Variants in IFT122 observed in about 807,000 individuals in gnomAD.
IFT122 encodes intraflagellar transport 122.
Under a neutral mutation model 161.6 loss-of-function variants are expected in IFT122, and 118 were observed. The observed-to-expected ratio is 0.73, with a 90% confidence interval of 0.63 to 0.85. The LOEUF is 0.85. Among genes scored for constraint, IFT122 ranks in the 40% least tolerant of loss-of-function variants. The pLI, the probability that IFT122 is intolerant of heterozygous loss-of-function variation, is 0.00. For missense variants in IFT122, 1,381 were observed against 1,579.6 expected, an observed-to-expected ratio of 0.87 and a Z score of 2.13; for synonymous variants, 550 against 602.4, an observed-to-expected ratio of 0.91 and a Z score of 1.27.
intron 5 of IFT122, chr3:129,463,357 C>G (rs922680947): frequency 1.8e-6 from 1 of 545,260 alleles, no homozygotes; most frequent in African/African-American, 1.9e-5. Context: ...CAAATCTGTT[C>G]TCCATTTCTA....
intron 18 of IFT122, among the ~76,000 whole-genome samples, chr3:129,496,117 G>A (rs915487390): frequency 1.8e-4 from 28 of 152,262 alleles, no homozygotes; most frequent in African/African-American, 5.3e-4. Context: ...CCATGTTAGC[G>A]CAGCATGCCT....
chr3:129,502,652 A>T, intron 19 of IFT122, 59 bp from the exon 20 acceptor site: 3 of 1,582,704 alleles, frequency 1.9e-6, no homozygotes, highest in Non-Finnish European at 2.6e-6. Context: ...GAATGGACAT[A>T]CGGCTTGCCG....
intron 20 of IFT122, 176 bp from the exon 21 acceptor site, chr3:129,504,143 C>T (rs916822442): frequency 5.4e-5 from 30 of 560,068 alleles, no homozygotes; most frequent in Middle Eastern, 5.1e-4. Context: ...CTTTTGTTTT[C>T]GAAGAGCTGA....
rs1187408262 is a variant in IFT122, at chr3:129,483,670, G to C, written c.1839G>C (p.Val613=). 9 of 1,598,622 alleles carry C rather than the reference G, an allele frequency of 5.6e-6. No individual in the cohort carries two copies. Among genetic ancestry groups the C allele is most frequent in the Non-Finnish European group, 7.7e-6 (9 of 1,172,320 alleles). Residue 613 remains valine, a synonymous_variant, in exon 15 of 30, where the codon GTG becomes GTC. Transcript: ENST00000348417. ...TCCATGTCTTCTCCATTTCTGCCGT[G>C]GAGGTGCCGCAGGTAACTGGGGGTG... ...FCLHVFSISA[V]EVPQSAPMYQ...
chr3:129,486,043 C>T (rs1240481283), intron 15 of IFT122, among the ~76,000 whole-genome samples: 1 of 152,248 alleles, frequency 6.6e-6, no homozygotes, highest in Non-Finnish European at 1.5e-5. Context: ...GAGGGCTTCT[C>T]AAGGCGGTGG....
intron 5 of IFT122, among the ~76,000 whole-genome samples, chr3:129,462,926 GCAT>G (rs138555352): frequency 0.011 from 1,635 of 152,234 alleles, 32 homozygotes; most frequent in African/African-American, 0.036. Context: ...TTTTCAGAAA[GCAT>G]CATTGTTATT....
At chr3:129,515,171 G>C (rs1387474294) in intron 25 of IFT122, 6 of 505,738 alleles carry the variant, frequency 1.2e-5, no homozygotes, top group African/African-American at 1.2e-4. Context: ...TCCGCACGGT[G>C]CCCGGAGCAT....
At chr3:129,517,284 A>G (rs2084062944) in intron 26 of IFT122, among the ~76,000 whole-genome samples, 185 bp from the exon 27 acceptor site, 1 of 143,122 alleles carries the variant, frequency 7.0e-6, no homozygotes, top group African/African-American at 2.6e-5. Context: ...ACACACACAC[A>G]CACACACACA....
At chr3:129,447,926 A>G (rs1025621511) in intron 1 of IFT122, among the ~76,000 whole-genome samples, 1 of 152,192 alleles carries the variant, frequency 6.6e-6, no homozygotes. Context: ...GTTAAATTTT[A>G]AAAGAGCCCT....
chr3:129,514,331 C>CA (rs1321070300), intron 24 of IFT122, 58 bp from the exon 25 acceptor site: 1 of 1,584,656 alleles, frequency 6.3e-7, no homozygotes, highest in South Asian at 1.1e-5. Flanking sequence ...CAAGGACAGG[C>CA]AGTGCCAGCT....
intron 28 of IFT122, 60 bp from the exon 29 acceptor site, chr3:129,519,508 C>T (rs2084473806): frequency 1.2e-6 from 2 of 1,603,166 alleles, no homozygotes; most frequent in Non-Finnish European, 8.5e-7. Flanking sequence ...TCATAATCCA[C>T]ACAGATGTCT....
At chr3:129,441,668 C>G (rs746134493) in intron 1 of IFT122, among the ~76,000 whole-genome samples, 11 of 152,118 alleles carry the variant, frequency 7.2e-5, no homozygotes, top group Non-Finnish European at 1.6e-4. Flanking sequence ...AGGCAGGTAA[C>G]ATAAATGGGA....
At chr3:129,482,177 A>G (rs774808780) in intron 14 of IFT122, among the ~76,000 whole-genome samples, 1 of 152,272 alleles carries the variant, frequency 6.6e-6, no homozygotes, top group East Asian at 1.9e-4. Context: ...CTGGCCTTCT[A>G]CTTAATTCAC....
rs546062386 is a variant in IFT122, at chr3:129,461,536, A to C, written c.349+232A>C. ...CAGAGACTACAGGAAGGGCCCCAGCAAAGGAAATGGTAACAAGATTGGGAG... is the reference window on the plus strand; with the variant it reads ...CAGAGACTACAGGAAGGGCCCCAGCCAAGGAAATGGTAACAAGATTGGGAG... On this transcript the variant is annotated intron_variant, in intron 5 of 29. Transcript: ENST00000348417. 2,186 of 551,646 alleles carry C rather than the reference A, an allele frequency of 4.0e-3. 8 individuals are homozygous for C. The highest frequency in any genetic ancestry group is 4.6e-3 in the Middle Eastern group (9 of 1,976). The allele number at this position is 551,646 out of a possible 1,614,324, so 34.2% of individuals were successfully genotyped here.
At chr3:129,509,818 G>A (rs1246916360) in intron 23 of IFT122, among the ~76,000 whole-genome samples, 1 of 152,196 alleles carries the variant, frequency 6.6e-6, no homozygotes, top group African/African-American at 2.4e-5. Context: ...GGTTTAGTGG[G>A]TAAACTCGAG....
chr3:129,492,202 A>G lies in IFT122; in HGVS notation c.2046+8A>G. 6.2e-7 allele frequency: 1 copy of G among 1,609,790 alleles called. No homozygotes were observed. Among genetic ancestry groups the G allele is most frequent in the Non-Finnish European group, 8.5e-7 (1 of 1,176,120 alleles). ...CTCATCAGCAGCATTGAGGTAAAAG[A>G]TGAAGCATTTTTCCTTCTCAAGAAG... On this transcript the variant is annotated splice_region_variant and intron_variant, in intron 17 of 29. Coordinates refer to ENST00000348417, the MANE Select transcript of IFT122 (RefSeq NM_052989.3).
At chr3:129,513,920 C>G (rs902564574) in intron 24 of IFT122, 1 of 295,222 alleles carries the variant, frequency 3.4e-6, no homozygotes, top group Admixed American at 4.8e-5. Flanking sequence ...ACCAGGCCCT[C>G]GGGGAAGGGT....
At chr3:129,482,353 G>A (rs540932602) in intron 14 of IFT122, among the ~76,000 whole-genome samples, 24 of 152,296 alleles carry the variant, frequency 1.6e-4, no homozygotes, top group African/African-American at 5.8e-4. Context: ...CTGGGCTCGC[G>A]CCATTCTTTC....
chr3:129,459,321 G>C, intron 4 of IFT122: 1 of 452,168 alleles, frequency 2.2e-6, no homozygotes, highest in Non-Finnish European at 4.4e-6. Context: ...ACAGAGTCTT[G>C]CTCTGTTGCC....
Sources: allele counts gnomAD v4.1 joint callset (sites outside exome capture counted in the v4.1 genomes callset), GRCh38; gene constraint gnomAD v4.1.1; transcripts MANE v1.5; gene names NCBI Gene and HGNC (gene_info 2026-07-23, HGNC 2026-07-21).